Variants in SERPINB8 observed in about 807,000 individuals in gnomAD.
SERPINB8 encodes the protein serpin family B member 8.
Under a neutral mutation model 35.3 loss-of-function variants are expected in SERPINB8, and 25 were observed. The observed-to-expected ratio is 0.71, with a 90% CI of 0.52 to 0.99. The LOEUF (loss-of-function observed/expected upper bound fraction) is 0.99. SERPINB8 is among the 50% of genes least tolerant of loss of function. The pLI is 0.00. For missense variants in SERPINB8, 484 were observed against 446.5 expected, an observed-to-expected ratio of 1.08 and a Z score of -0.76; for synonymous variants, 186 against 160.8, an observed-to-expected ratio of 1.16 and a Z score of -1.19.
intron 1 of SERPINB8, among the ~76,000 whole-genome samples, chr18:64,000,722 C>T (rs1000815099): frequency 3.3e-5 from 5 of 152,106 alleles, no homozygotes; most frequent in Non-Finnish European, 5.9e-5. Flanking sequence ...ACTCAATACT[C>T]GGTGCTTTTC....
chr18:64,018,314 A>C (rs2050959849), intron 7 of SERPINB8, among the ~76,000 whole-genome samples: 1 of 152,234 alleles, frequency 6.6e-6, no homozygotes, highest in Non-Finnish European at 1.5e-5. Context: ...CAGTTATTGC[A>C]TGCAAGTCTC....
At position 63,987,950 on chromosome 18, in the gene SERPINB8, T is replaced by C. The variant is rs1022218695; in HGVS notation, c.*672T>C. 8 of 152,248 alleles carry C rather than the reference T, an allele frequency of 5.3e-5. No individual in the cohort carries two copies. The highest frequency in any genetic ancestry group is 1.9e-4 in the African/African-American group (8 of 41,436). The allele number at this position is 152,248 out of a possible 1,614,324, so 9.4% of individuals were successfully genotyped here. On this transcript the variant is annotated 3_prime_UTR_variant, in exon 7 of 7. Transcript: ENST00000397985. ...CCTTTTCCCTCTGAAACACACAAAATACCAAAGGAACTTACGCAACACACC... is the reference window on the plus strand; with the variant it reads ...CCTTTTCCCTCTGAAACACACAAAACACCAAAGGAACTTACGCAACACACC...
At chr18:64,001,954 C>A (rs2050877463) in intron 1 of SERPINB8, among the ~76,000 whole-genome samples, 1 of 152,182 alleles carries the variant, frequency 6.6e-6, no homozygotes, top group Non-Finnish European at 1.5e-5. Flanking sequence ...TTCCTCTGGA[C>A]ATCTTGTCCT....
rs1388732567 is a variant in SERPINB8 at position 63,988,061 on chromosome 18, T to A, written c.*783T>A. 6.6e-6 allele frequency: 1 copy of A among 152,144 alleles called. No individual in the cohort carries two copies. Among genetic ancestry groups the A allele is most frequent in the Non-Finnish European group, 1.5e-5 (1 of 68,022 alleles). 9.4% of individuals were successfully genotyped at this position (152,144 alleles called of 1,614,324 possible). ...GAAAGAACCTCCATATACATTAATTTTTTTCTGCCTAAAAATAAAATTGCG... is the reference window on the plus strand; with the variant it reads ...GAAAGAACCTCCATATACATTAATTATTTTCTGCCTAAAAATAAAATTGCG... On this transcript the variant is annotated 3_prime_UTR_variant, in exon 7 of 7. Transcript: ENST00000397985.
chr18:64,005,052 C>T (rs2050893458), exon 2 of SERPINB8: 1 of 391,112 alleles, frequency 2.6e-6, no homozygotes, highest in Non-Finnish European at 4.5e-6. Context: ...CACAAAACAC[C>T]TGAATAAATA....
downstream of SERPINB8, among the ~76,000 whole-genome samples, chr18:64,006,491 G>A (rs1165342364): frequency 6.6e-6 from 1 of 152,138 alleles, no homozygotes; most frequent in Non-Finnish European, 1.5e-5. Flanking sequence ...CACAGAGATG[G>A]CAGCTGTCCA....
chr18:63,991,623 G>A (rs1284720085), downstream of SERPINB8, among the ~76,000 whole-genome samples: 1 of 151,566 alleles, frequency 6.6e-6, no homozygotes, highest in Non-Finnish European at 1.5e-5. Flanking sequence ...CTAGTTCCAT[G>A]TCTGCTAATA....
At chr18:63,999,863 T>C (rs1452654224) in intron 1 of SERPINB8, among the ~76,000 whole-genome samples, 2 of 152,194 alleles carry the variant, frequency 1.3e-5, no homozygotes, top group African/African-American at 4.8e-5. Context: ...TGAGAAGCAC[T>C]GCTGACCCTC....
intron 4 of SERPINB8, among the ~76,000 whole-genome samples, chr18:63,982,738 C>T (rs184407212): frequency 4.6e-5 from 7 of 152,206 alleles, no homozygotes; most frequent in African/African-American, 1.2e-4. Context: ...CCACACCTTC[C>T]CCCCACTGCC....
intron 7 of SERPINB8, among the ~76,000 whole-genome samples, chr18:64,011,348 T>C (rs746271727): frequency 4.6e-5 from 7 of 152,030 alleles, no homozygotes; most frequent in Non-Finnish European, 1.0e-4. Context: ...AAAGCAGAAA[T>C]GCTGTCATTT....
chr18:63,973,542 T>C (rs1044993803), intron 1 of SERPINB8, among the ~76,000 whole-genome samples: 1 of 152,214 alleles, frequency 6.6e-6, no homozygotes, highest in Non-Finnish European at 1.5e-5. Flanking sequence ...TTGCTTTTGG[T>C]GTTTTAGTCA....
At position 63,981,756 on chromosome 18, in the gene SERPINB8, A is replaced by G. The variant is rs374298431; in HGVS notation, c.342A>G (p.Ala114=). 323 of 1,613,916 alleles carry G rather than the reference A, an allele frequency of 2.0e-4. No homozygotes were observed. The highest frequency in any genetic ancestry group is 6.6e-4 in the Middle Eastern group (4 of 6,058). Residue 114 remains alanine (A), a synonymous_variant, in exon 4 of 7, where the codon GCA becomes GCG. Transcript: ENST00000397985. The stretch of plus-strand genomic sequence containing the variant: ...AATACTGTCAGAAGTTCTATCAGGC[A>G]GAGCTGGAGGAGTTGTCCTTTGCTG... The part of the protein sequence containing the change: ...FKEYCQKFYQ[A]ELEELSFAED...
chr18:63,981,750 T>C lies in SERPINB8; in HGVS notation c.336T>C (p.Tyr112=), dbSNP rs747369999. ...PDFKEYCQKF[Y]QAELEELSFA... is the part of the protein sequence containing the mutation. ...TTAAAGAATACTGTCAGAAGTTCTATCAGGCAGAGCTGGAGGAGTTGTCCT... is the reference window on the plus strand; with the variant it reads ...TTAAAGAATACTGTCAGAAGTTCTACCAGGCAGAGCTGGAGGAGTTGTCCT... The change falls in exon 4 of 7, where the codon TAT becomes TAC. Residue 112 remains tyrosine, a synonymous_variant. Coordinates refer to ENST00000397985, the MANE Select transcript of SERPINB8 (RefSeq NM_002640.4). 2 of 1,613,720 alleles carry C rather than the reference T, an allele frequency of 1.2e-6. No individual in the cohort carries two copies. Among genetic ancestry groups the C allele is most frequent in the South Asian group, 2.2e-5 (2 of 91,058 alleles).
intron 7 of SERPINB8, among the ~76,000 whole-genome samples, chr18:64,017,481 A>C (rs1373447570): frequency 6.6e-6 from 1 of 152,296 alleles, no homozygotes; most frequent in South Asian, 2.1e-4. Flanking sequence ...ATGATGATGA[A>C]GTTAACAAAA....
chr18:64,002,921 C>A (rs912743452), intron 1 of SERPINB8, among the ~76,000 whole-genome samples: 3 of 152,200 alleles, frequency 2.0e-5, no homozygotes, highest in African/African-American at 7.2e-5. Context: ...CCGGCGGGGC[C>A]GGGATAATAA....
intron 1 of SERPINB8, among the ~76,000 whole-genome samples, chr18:63,996,535 G>C (rs2050850324): frequency 6.6e-6 from 1 of 152,206 alleles, no homozygotes; most frequent in Non-Finnish European, 1.5e-5. Context: ...TTCACAAAGT[G>C]ACCTAAATTC....
chr18:63,972,864 C>T (rs537803717), intron 1 of SERPINB8, among the ~76,000 whole-genome samples: 36 of 152,196 alleles, frequency 2.4e-4, no homozygotes, highest in African/African-American at 8.2e-4. Context: ...TGTATATATG[C>T]CACATTTTCT....
chr18:63,987,501 T>C lies in SERPINB8; in HGVS notation c.*223T>C. 1.9e-6 allele frequency: 1 copy of C among 536,594 alleles called. No homozygotes were observed. The highest frequency in any genetic ancestry group is 2.6e-5 in the South Asian group (1 of 38,252). 33.2% of individuals were successfully genotyped at this position (536,594 alleles called of 1,614,324 possible). On this transcript the variant is annotated 3_prime_UTR_variant, in exon 7 of 7. Transcript: ENST00000397985. ...GGAAGGCTATGCTGGTTTTGGAGTGTTTGGGGTGCCTGCCATTGCCTCTGC... is the reference window on the plus strand; with the variant it reads ...GGAAGGCTATGCTGGTTTTGGAGTGCTTGGGGTGCCTGCCATTGCCTCTGC...
chr18:63,970,491 G>GGCA (rs2050451258), intron 1 of SERPINB8: 1 of 152,624 alleles, frequency 6.6e-6, no homozygotes, highest in Non-Finnish European at 1.5e-5. Context: ...CCTGGAGAGG[G>GGCA]AGCGTCTGTT....
Sources: gnomAD v4.1 joint callset for allele counts (sites outside exome capture counted in the v4.1 genomes callset) on GRCh38, gnomAD v4.1.1 for gene constraint, MANE v1.5 for transcripts, NCBI Gene and HGNC (gene_info 2026-07-23, HGNC 2026-07-21) for gene names.